The following TRIM36 variants were observed in gnomAD, a reference collection of about 807,000 sequenced individuals.
The protein encoded by TRIM36 is E3 ubiquitin-protein ligase TRIM36.
TRIM36 carries 42 observed loss-of-function variants against 72.4 expected under a neutral mutation model. The observed-to-expected ratio is 0.58, with a 90% CI of 0.45 to 0.75. The LOEUF is 0.75. Among genes scored for constraint, TRIM36 ranks in the 30% least tolerant of loss-of-function variants. The probability of loss-of-function intolerance (pLI) is 0.00; values close to 1 mark genes in which losing one functional copy is unlikely to be tolerated. For missense variants in TRIM36, 913 were observed against 857.1 expected (o/e 1.07, Z -0.81); for synonymous variants, 315 against 282.8 (o/e 1.11, Z -1.14).
Position 115,155,614 on chromosome 5 carries a change from T to A in TRIM36, c.262+7904A>T, listed in dbSNP as rs141039169. ...AAAAAGCATTTGACAAAATCTAGCA[T>A]CCCTTTATGATTAAAACTCTCAGCA... On this transcript the variant is annotated intron_variant, in intron 2 of 9. Coordinates refer to ENST00000513154, the MANE Select transcript of TRIM36 (RefSeq NM_001300759.2). 1.6e-3 allele frequency among the ~76,000 whole-genome samples: 242 copies of A among 152,242 alleles called. 1 individual carries two copies. The highest frequency in any genetic ancestry group is 5.6e-3 in the African/African-American group (233 of 41,528).
intron 1 of TRIM36, among the ~76,000 whole-genome samples, chr5:115,176,836 C>A (rs1755362212): frequency 6.6e-6 from 1 of 152,170 alleles, no homozygotes; most frequent in Admixed American, 6.5e-5. Context: ...AGACAGCTTT[C>A]AGAAATGGTA....
chr5:115,170,315 T>C (rs1354804363), upstream of TRIM36, among the ~76,000 whole-genome samples: 1 of 152,178 alleles, frequency 6.6e-6, no homozygotes, highest in Non-Finnish European at 1.5e-5. Flanking sequence ...CCCCTGGCCC[T>C]GCGCTGCCAT....
At chr5:115,131,689 T>C (rs1752687991) in intron 8 of TRIM36, among the ~76,000 whole-genome samples, 1 of 152,164 alleles carries the variant, frequency 6.6e-6, no homozygotes, top group Admixed American at 6.6e-5. Flanking sequence ...TACATACATT[T>C]GGATACATGC....
At chr5:115,149,659 A>AAAAG (rs1177482956) in intron 2 of TRIM36, 1 of 147,768 alleles carries the variant, frequency 6.8e-6, no homozygotes, top group Non-Finnish European at 1.5e-5. Context: ...AAAAAAAAAA[A>AAAAG]GGTGTGAAAC....
intron 6 of TRIM36, 116 bp downstream of exon 6, chr5:115,137,247 A>G: frequency 1.4e-6 from 2 of 1,474,496 alleles, no homozygotes; most frequent in Non-Finnish European, 1.8e-6. Flanking sequence ...GAATGAGGCA[A>G]GATGTACCTC....
chr5:115,129,468 G>T (rs1752535559), intron 9 of TRIM36, among the ~76,000 whole-genome samples: 1 of 152,172 alleles, frequency 6.6e-6, no homozygotes, highest in South Asian at 2.1e-4. Flanking sequence ...TGAGGCAGAA[G>T]AATCGCTTGA....
In TRIM36 at chr5:115,126,238, A is replaced by G. The variant is rs1752353427; in HGVS notation, c.*265T>C. Reference sequence around the variant, plus strand: ...GACAGAAATAAATTAGATATCCTGTACATAAAGTAAAAGACAGTCCAGTTG... The same window carrying G: ...GACAGAAATAAATTAGATATCCTGTGCATAAAGTAAAAGACAGTCCAGTTG... On this transcript the variant is annotated 3_prime_UTR_variant, in exon 10 of 10. Transcript: ENST00000513154. The G allele has an allele frequency of 7.9e-6, 3 of 379,252 alleles. No homozygotes were observed. Among genetic ancestry groups the G allele is most frequent in the African/African-American group, 4.1e-5 (2 of 48,992 alleles). The allele number at this position is 379,252 out of a possible 1,614,324, so 23.5% of individuals were successfully genotyped here. A position where few individuals can be genotyped will look rare whatever the true frequency, so the allele number is the denominator to read the frequency against.
At chr5:115,138,551 TTC>T in intron 5 of TRIM36, among the ~76,000 whole-genome samples, 1 of 152,220 alleles carries the variant, frequency 6.6e-6, no homozygotes, top group Non-Finnish European at 1.5e-5. Context: ...TTTCTGTTTT[TTC>T]TCTTCTGAAA....
chr5:115,135,647 G>A (rs1752925367), intron 7 of TRIM36, among the ~76,000 whole-genome samples: 1 of 152,076 alleles, frequency 6.6e-6, no homozygotes, highest in African/African-American at 2.4e-5. Flanking sequence ...ACCATTTTGG[G>A]ATCCACAGGG....
At chr5:115,150,799 A>T (rs1056633195) in intron 2 of TRIM36, among the ~76,000 whole-genome samples, 1 of 152,154 alleles carries the variant, frequency 6.6e-6, no homozygotes, top group Non-Finnish European at 1.5e-5. Context: ...GGATAACGGG[A>T]GATTTTGACC....
chr5:115,156,393 A>G (rs1754183385), intron 2 of TRIM36, among the ~76,000 whole-genome samples: 1 of 152,230 alleles, frequency 6.6e-6, no homozygotes, highest in East Asian at 1.9e-4. Context: ...ATCTGAAGGC[A>G]TCACATTGCC....
chr5:115,175,721 CTCT>C (rs1755302279), intron 1 of TRIM36, among the ~76,000 whole-genome samples: 1 of 151,884 alleles, frequency 6.6e-6, no homozygotes, highest in Admixed American at 6.6e-5. Context: ...ATGAAAGTAG[CTCT>C]TTTCAAATGA....
chr5:115,167,483 C>G (rs570872174), intron 1 of TRIM36, among the ~76,000 whole-genome samples: 3 of 152,364 alleles, frequency 2.0e-5, no homozygotes, highest in African/African-American at 7.2e-5. Flanking sequence ...CGCTTCATCT[C>G]TCTCAAGTTC....
chr5:115,149,018 G>A (rs1753745002), intron 2 of TRIM36: 3 of 152,122 alleles, frequency 2.0e-5, no homozygotes, highest in Non-Finnish European at 4.4e-5. Flanking sequence ...CATGCTATAT[G>A]GCATTGGGCC....
Position 115,134,001 on chromosome 5 carries a change from C to A in TRIM36, c.1357G>T (p.Glu453Ter). 6.2e-7 allele frequency: 1 copy of A among 1,613,972 alleles called. No individual in the cohort carries two copies. The highest frequency in any genetic ancestry group is 8.5e-7 in the Non-Finnish European group (1 of 1,179,948). The change falls in exon 8 of 10, where the codon GAG (glutamate) becomes TAG (stop). Residue 453 changes from glutamate to a stop codon, truncating the protein, a stop_gained. Transcript: ENST00000513154. LOFTEE classifies it high-confidence loss of function. ...INRDDEMSWN[E>*]IEVCGTSKII... is the part of the protein sequence containing the mutation. ...TTACTTGTTCCACACACTTCTATCT[C>A]ATTCCATGACATTTCATCATCTCTA...
intron 2 of TRIM36, among the ~76,000 whole-genome samples, chr5:115,157,146 T>TAAAAAAAAAA (rs757876573): frequency 7.9e-6 from 1 of 126,738 alleles, no homozygotes. Flanking sequence ...ATGGCCATAA[T>TAAAAAAAAAA]AAAAAAAAAA....
At chr5:115,132,203 T>TGC (rs1429549738) in intron 8 of TRIM36, among the ~76,000 whole-genome samples, 1 of 149,658 alleles carries the variant, frequency 6.7e-6, no homozygotes, top group African/African-American at 2.5e-5. Flanking sequence ...TGTGTGTGTG[T>TGC]GTATATATAT....
intron 1 of TRIM36, among the ~76,000 whole-genome samples, chr5:115,167,581 G>C (rs1181820333): frequency 6.6e-6 from 1 of 152,268 alleles, no homozygotes; most frequent in Non-Finnish European, 1.5e-5. Flanking sequence ...TCCAGTTTCC[G>C]ACAAGTTCCT....
chr5:115,178,710 G>A (rs890446091), intron 1 of TRIM36, among the ~76,000 whole-genome samples: 14 of 152,200 alleles, frequency 9.2e-5, no homozygotes, highest in African/African-American at 3.4e-4. Context: ...TCTGGCCCGG[G>A]GTTGTAAATG....
Sources: gnomAD v4.1 joint callset for allele counts (sites outside exome capture counted in the v4.1 genomes callset) on GRCh38, gnomAD v4.1.1 for gene constraint, MANE v1.5 for transcripts, NCBI Gene and HGNC (gene_info 2026-07-23, HGNC 2026-07-21) for gene names.